BAIAP2: variants seen among roughly 807,000 people sequenced by gnomAD.
The protein encoded by BAIAP2 is BAR/IMD domain-containing adapter protein 2.
Under a neutral mutation model 63.0 loss-of-function variants are expected in BAIAP2, and 18 were observed. The observed-to-expected ratio is 0.29, with a 90% CI of 0.20 to 0.42. BAIAP2 has a LOEUF of 0.42. Among genes scored for constraint, BAIAP2 ranks in the 10% least tolerant of loss-of-function variants. The probability of loss-of-function intolerance (pLI) is 1.00; values close to 1 mark genes in which losing one functional copy is unlikely to be tolerated. For synonymous variants in BAIAP2, 386 were observed against 307.6 expected, an observed-to-expected ratio of 1.25 and a Z score of -2.67; for missense variants, 610 against 734.3, an observed-to-expected ratio of 0.83 and a Z score of 1.96.
chr17:81,068,349 C>T (rs1475462030), intron 3 of BAIAP2, among the ~76,000 whole-genome samples: 3 of 152,228 alleles, frequency 2.0e-5, no homozygotes, highest in Admixed American at 6.5e-5. Flanking sequence ...GTCTCCCCCT[C>T]GGGCACGCGT....
chr17:81,052,804 C>T (rs939154120), intron 1 of BAIAP2, among the ~76,000 whole-genome samples: 1 of 152,194 alleles, frequency 6.6e-6, no homozygotes, highest in Non-Finnish European at 1.5e-5. Context: ...GGCCCCACAG[C>T]CTCCTGCTTG....
At chr17:81,053,039 T>C (rs1158969361) in intron 1 of BAIAP2, among the ~76,000 whole-genome samples, 1 of 152,200 alleles carries the variant, frequency 6.6e-6, no homozygotes, top group Non-Finnish European at 1.5e-5. Context: ...TTTTATCCCT[T>C]GTAATTAAAA....
intron 1 of BAIAP2, among the ~76,000 whole-genome samples, chr17:81,039,379 G>T (rs983771978): frequency 6.6e-6 from 1 of 152,128 alleles, no homozygotes; most frequent in African/African-American, 2.4e-5. Flanking sequence ...TCCAGGTGGC[G>T]TCCAGCGTTC....
intron 1 of BAIAP2, among the ~76,000 whole-genome samples, chr17:81,037,541 A>C (rs2046446369): frequency 6.6e-6 from 1 of 152,246 alleles, no homozygotes; most frequent in Non-Finnish European, 1.5e-5. Flanking sequence ...ATGGAGACAT[A>C]GTCAGGAGAC....
intron 1 of BAIAP2, among the ~76,000 whole-genome samples, chr17:81,053,194 G>C (rs943705249): frequency 6.6e-6 from 1 of 151,200 alleles, no homozygotes; most frequent in Non-Finnish European, 1.5e-5. Flanking sequence ...AGGCTGCAGT[G>C]GTGCTAATCA....
At chr17:81,089,928 C>T (rs1400953825) in intron 6 of BAIAP2, among the ~76,000 whole-genome samples, 1 of 152,128 alleles carries the variant, frequency 6.6e-6, no homozygotes, top group Non-Finnish European at 1.5e-5. Flanking sequence ...AGACGCTTGG[C>T]GAGCCTCATC....
intron 13 of BAIAP2, among the ~76,000 whole-genome samples, chr17:81,113,380 CTG>C (rs1450057785): frequency 1.2e-4 from 19 of 152,376 alleles, no homozygotes; most frequent in African/African-American, 4.6e-4. Context: ...GGACCAATGT[CTG>C]TGGCTAACGT....
chr17:81,094,496 C>T (rs962230857), intron 6 of BAIAP2, among the ~76,000 whole-genome samples: 1 of 152,176 alleles, frequency 6.6e-6, no homozygotes, highest in African/African-American at 2.4e-5. Context: ...TCCTGTAATG[C>T]CTTCCTTGGG....
intron 13 of BAIAP2, chr17:81,108,981 C>T: frequency 1.3e-6 from 2 of 1,549,084 alleles, no homozygotes; most frequent in Non-Finnish European, 1.7e-6. Context: ...CAGCGGCACG[C>T]TGGTGTCCAC....
At position 81,090,930 on chromosome 17, in the gene BAIAP2, C is replaced by T. The variant is rs141388692; in HGVS notation, c.489+4350C>T. Among the ~76,000 whole-genome samples, 1,100 of 152,332 alleles carry T rather than the reference C, an allele frequency of 7.2e-3. 14 individuals are homozygous for T. Among genetic ancestry groups the T allele is most frequent in the African/African-American group, 0.025 (1,046 of 41,572 alleles). ...TACTTTAGGGTGTGGCCGCTGGGGG[C>T]CCAGCTGTTGCATGTCCTCTCCACT... On this transcript the variant is annotated intron_variant, in intron 6 of 13. Coordinates refer to ENST00000428708, the MANE Select transcript of BAIAP2 (RefSeq NM_001144888.2).
chr17:81,047,953 C>A (rs1360630576), intron 1 of BAIAP2, among the ~76,000 whole-genome samples: 3 of 152,262 alleles, frequency 2.0e-5, no homozygotes, highest in African/African-American at 7.2e-5. Context: ...ACGCGCCCAC[C>A]CTGGCATCTG....
chr17:81,056,947 T>TTGCGTTTTTC (rs1312343987), intron 2 of BAIAP2, among the ~76,000 whole-genome samples: 16 of 152,306 alleles, frequency 1.1e-4, no homozygotes, highest in East Asian at 3.9e-4. Context: ...TTTTCTTTTG[T>TTGCGTTTTTC]TCGAGGCAGC....
chr17:81,104,413 G>T (rs2058880818), intron 9 of BAIAP2, 101 bp from the exon 10 acceptor site: 2 of 1,310,550 alleles, frequency 1.5e-6, no homozygotes, highest in Non-Finnish European at 2.1e-6. Flanking sequence ...TACCCACCTG[G>T]GGCACAGGCG....
intron 6 of BAIAP2, among the ~76,000 whole-genome samples, chr17:81,088,804 G>A (rs1156388079): frequency 1.3e-5 from 2 of 152,270 alleles, no homozygotes; most frequent in Non-Finnish European, 2.9e-5. Context: ...GGCACGGCCG[G>A]TACTGCCCTG....
rs1165048420 is a variant in BAIAP2 at position 81,115,776 on chromosome 17, C to A, written c.1542C>A (p.Pro514=). Residue 514 remains proline, a synonymous_variant, in exon 14 of 14, where the codon CCC becomes CCA. Coordinates refer to ENST00000428708, the MANE Select transcript of BAIAP2 (RefSeq NM_001144888.2). The part of the protein sequence containing the change: ...DYGARSMSRN[P]FAHVQLKPTV... ...CCACGTTTTTCTCTTTCAGGAATCC[C>A]TTTGCCCACGTCCAGCTGAAGCCGA... is the stretch of plus-strand genomic sequence containing the variant. The A allele has an allele frequency of 6.2e-7, 1 of 1,613,568 alleles. No homozygotes were observed. The highest frequency in any genetic ancestry group is 1.1e-5 in the South Asian group (1 of 91,090).
At chr17:81,094,577 C>T (rs1032134331) in intron 6 of BAIAP2, among the ~76,000 whole-genome samples, 2 of 152,188 alleles carry the variant, frequency 1.3e-5, no homozygotes, top group East Asian at 3.9e-4. Context: ...CTCAGCCCAG[C>T]CCGGGTCTTG....
intron 6 of BAIAP2, among the ~76,000 whole-genome samples, chr17:81,089,910 C>T (rs1024464550): frequency 2.6e-5 from 4 of 152,154 alleles, no homozygotes; most frequent in Non-Finnish European, 5.9e-5. Flanking sequence ...CTCTGCCACC[C>T]GGTACAGAGA....
At chr17:81,038,228 A>G (rs1216241705) in intron 1 of BAIAP2, among the ~76,000 whole-genome samples, 2 of 152,228 alleles carry the variant, frequency 1.3e-5, no homozygotes, top group Non-Finnish European at 2.9e-5. Flanking sequence ...CTGAAGCTGC[A>G]GCCCTCTTGG....
chr17:81,091,781 A>G (rs1221152728), intron 6 of BAIAP2, among the ~76,000 whole-genome samples: 1 of 152,174 alleles, frequency 6.6e-6, no homozygotes, highest in Non-Finnish European at 1.5e-5. Flanking sequence ...AGAGAAGCAG[A>G]TGCCTCCCTG....
Sources: allele counts gnomAD v4.1 joint callset (sites outside exome capture counted in the v4.1 genomes callset), GRCh38; gene constraint gnomAD v4.1.1; transcripts MANE v1.5; gene names NCBI Gene and HGNC (gene_info 2026-07-23, HGNC 2026-07-21).